Variants in RNF175 observed in about 807,000 individuals in gnomAD.
RNF175 encodes the protein ring finger protein 175.
In RNF175, 38 loss-of-function variants were observed where a neutral mutation model predicts 50.0. The ratio of observed to expected loss-of-function variants is 0.76; its 90% CI spans 0.59 to 1.00. RNF175 has a LOEUF of 1.00. RNF175 is among the 50% of genes least tolerant of loss of function. The pLI is 0.00. For synonymous variants in RNF175, 155 were observed against 146.1 expected (o/e 1.06, Z -0.44); for missense variants, 388 against 409.6 (o/e 0.95, Z 0.46).
chr4:153,726,617 G>A (rs918946602), intron 4 of RNF175, among the ~76,000 whole-genome samples: 1 of 152,194 alleles, frequency 6.6e-6, no homozygotes, highest in Non-Finnish European at 1.5e-5. Context: ...AGCTCCCCTA[G>A]CCTGTAATGA....
At chr4:153,737,393 G>A (rs893672527) in intron 3 of RNF175, among the ~76,000 whole-genome samples, 5 of 151,872 alleles carry the variant, frequency 3.3e-5, no homozygotes, top group Non-Finnish European at 7.4e-5. Context: ...TCCTCAGGTG[G>A]ATTTTTAGAT....
intron 3 of RNF175, among the ~76,000 whole-genome samples, chr4:153,734,820 C>T (rs1209492521): frequency 6.6e-6 from 1 of 151,626 alleles, no homozygotes; most frequent in Non-Finnish European, 1.5e-5. Context: ...GGACTACAGG[C>T]ACCCGCCACC....
intron 1 of RNF175, among the ~76,000 whole-genome samples, chr4:153,756,564 T>A (rs547656597): frequency 6.6e-6 from 1 of 152,180 alleles, no homozygotes; most frequent in Non-Finnish European, 1.5e-5. Flanking sequence ...CTCACAAACA[T>A]GCCCCCTTCT....
chr4:153,723,267 T>C, intron 5 of RNF175, 84 bp downstream of exon 5: 3 of 692,154 alleles, frequency 4.3e-6, no homozygotes, highest in Non-Finnish European at 7.9e-6. Context: ...TAGGGCCAGA[T>C]GCTTCTGGAT....
chr4:153,722,991 A>T (rs978785764), intron 5 of RNF175, among the ~76,000 whole-genome samples: 2 of 152,188 alleles, frequency 1.3e-5, no homozygotes, highest in African/African-American at 4.8e-5. Context: ...GAGGTTTTAG[A>T]TAAGAAGATA....
intron 1 of RNF175, among the ~76,000 whole-genome samples, chr4:153,755,357 C>T (rs983551380): frequency 6.6e-6 from 1 of 152,358 alleles, no homozygotes; most frequent in Admixed American, 6.5e-5. Flanking sequence ...CTAGCAAGAG[C>T]TTAACAGTGC....
At chr4:153,720,778 A>C (rs1738289200) in intron 5 of RNF175, 2 of 155,116 alleles carry the variant, frequency 1.3e-5, no homozygotes, top group African/African-American at 4.8e-5. Flanking sequence ...CAAGGACTGG[A>C]GTTTAGTTAA....
intron 6 of RNF175, 25 bp from the exon 7 acceptor site, chr4:153,715,687 C>T (rs1160964474): frequency 6.2e-7 from 1 of 1,607,530 alleles, no homozygotes; most frequent in South Asian, 1.1e-5. Context: ...GGACAGAGCA[C>T]AGTCAGAAAG....
rs796409102 is a variant in RNF175 at position 153,716,236 on chromosome 4, C to T, written c.631-574G>A. 6.8e-4 allele frequency among the ~76,000 whole-genome samples: 104 copies of T among 152,254 alleles called. 1 individual carries two copies. Among genetic ancestry groups the T allele is most frequent in the African/African-American group, 2.5e-3 (102 of 41,522 alleles). On this transcript the variant is annotated intron_variant, in intron 6 of 8. Coordinates refer to ENST00000347063, the MANE Select transcript of RNF175 (RefSeq NM_173662.4). ...TGCCAATTATAACTTCTCATCTAAC[C>T]TCCACATTGAGGAATCCTTTCACAG...
At chr4:153,737,469 AC>A (rs1216785461) in intron 3 of RNF175, among the ~76,000 whole-genome samples, 3 of 152,034 alleles carry the variant, frequency 2.0e-5, no homozygotes, top group Non-Finnish European at 4.4e-5. Context: ...TCCTCTAAGC[AC>A]TGCTTTTGCT....
intron 4 of RNF175, among the ~76,000 whole-genome samples, chr4:153,724,561 T>A (rs1738557027): frequency 6.6e-6 from 1 of 152,124 alleles, no homozygotes; most frequent in Admixed American, 6.5e-5. Context: ...CCCCACCCTC[T>A]CACCCCCAAG....
chr4:153,750,420 A>AGGTGTAG (rs1293881348), intron 2 of RNF175, among the ~76,000 whole-genome samples: 4 of 152,194 alleles, frequency 2.6e-5, no homozygotes, highest in Non-Finnish European at 5.9e-5. Flanking sequence ...CTGCTGGAAA[A>AGGTGTAG]GGTGTAGAAA....
At chr4:153,736,087 A>G (rs1256463065) in intron 3 of RNF175, among the ~76,000 whole-genome samples, 1 of 152,178 alleles carries the variant, frequency 6.6e-6, no homozygotes, top group South Asian at 2.1e-4. Flanking sequence ...ACCATTAAGT[A>G]TGTCAGTTGT....
intron 3 of RNF175, chr4:153,729,734 A>T: frequency 3.0e-6 from 3 of 985,024 alleles, no homozygotes; most frequent in Non-Finnish European, 3.6e-6. Flanking sequence ...AATTGCTCTG[A>T]ATCTTCTTTC....
At chr4:153,731,760 T>G (rs535750588) in intron 3 of RNF175, among the ~76,000 whole-genome samples, 5 of 152,172 alleles carry the variant, frequency 3.3e-5, no homozygotes, top group Admixed American at 2.0e-4. Flanking sequence ...TCATTTCCTC[T>G]GCACTGCAAA....
chr4:153,753,906 C>T (rs1327138010), intron 1 of RNF175, among the ~76,000 whole-genome samples: 2 of 151,130 alleles, frequency 1.3e-5, no homozygotes, highest in Non-Finnish European at 3.0e-5. Context: ...CGTGGTGGCT[C>T]ACACCTGTAA....
Position 153,741,856 on chromosome 4 carries a change from G to T in RNF175, c.246+6789C>A, listed in dbSNP as rs555538168. Among the ~76,000 whole-genome samples, 391 of 151,892 alleles carry T rather than the reference G, an allele frequency of 2.6e-3. 3 individuals carry two copies. Among genetic ancestry groups the T allele is most frequent in the African/African-American group, 9.0e-3 (373 of 41,388 alleles). ...TTCCTTTCACCATCCTGCCACATTC[G>T]GTTGGTGCAAAAGTAATTGCTGTTT... On this transcript the variant is annotated intron_variant, in intron 3 of 8. Coordinates refer to ENST00000347063, the MANE Select transcript of RNF175 (RefSeq NM_173662.4).
chr4:153,724,155 G>A (rs1224093962), intron 4 of RNF175, among the ~76,000 whole-genome samples: 2 of 152,196 alleles, frequency 1.3e-5, no homozygotes, highest in East Asian at 1.9e-4. Flanking sequence ...GATGAGGATG[G>A]AGGGCGAGTG....
chr4:153,731,864 A>T (rs894830901), intron 3 of RNF175, among the ~76,000 whole-genome samples: 3 of 152,106 alleles, frequency 2.0e-5, no homozygotes, highest in African/African-American at 4.8e-5. Context: ...AAATTATCAT[A>T]AAAAAATACC....
Sources: gnomAD v4.1 joint callset for allele counts (sites outside exome capture counted in the v4.1 genomes callset) on GRCh38, gnomAD v4.1.1 for gene constraint, MANE v1.5 for transcripts, NCBI Gene and HGNC (gene_info 2026-07-23, HGNC 2026-07-21) for gene names.